Variants in TENM3 observed in about 807,000 individuals in gnomAD.
The protein encoded by TENM3 is teneurin transmembrane protein 3.
TENM3 carries 63 observed loss-of-function variants against 255.1 expected under a neutral mutation model. The ratio of observed to expected loss-of-function variants is 0.25; its 90% CI spans 0.20 to 0.30. The LOEUF (loss-of-function observed/expected upper bound fraction) is 0.30, where lower values mean the gene tolerates loss of function less well. TENM3 is among the 10% of genes least tolerant of loss of function. The pLI, the probability that TENM3 is intolerant of heterozygous loss-of-function variation, is 1.00. For missense variants in TENM3, 2,929 were observed against 3,461.1 expected, an observed-to-expected ratio of 0.85 and a Z score of 3.86; for synonymous variants, 1,306 against 1,322.3, an observed-to-expected ratio of 0.99 and a Z score of 0.27.
intron 4 of TENM3, among the ~76,000 whole-genome samples, chr4:182,621,695 T>TTA (rs1561016257): frequency 0.19 from 1,028 of 5,370 alleles, 48 homozygotes; most frequent in Non-Finnish European, 0.42. Context: ...ATAATATATA[T>TTA]TATATATAAA....
chr4:181,912,214 A>G, the TENM3 span, among the ~76,000 whole-genome samples: 1 of 152,250 alleles, frequency 6.6e-6, no homozygotes, highest in Non-Finnish European at 1.5e-5. Context: ...AAAGTTGACA[A>G]CTTAGTTGGA....
At chr4:182,506,190 A>G (rs1736800345) in intron 3 of TENM3, among the ~76,000 whole-genome samples, 1 of 152,198 alleles carries the variant, frequency 6.6e-6, no homozygotes, top group Non-Finnish European at 1.5e-5. Context: ...CCCTGTGCAT[A>G]TGACCCCGAA....
At chr4:182,055,971 TA>T in the TENM3 span, among the ~76,000 whole-genome samples, 39 of 152,222 alleles carry the variant, frequency 2.6e-4, no homozygotes, top group African/African-American at 9.4e-4. Flanking sequence ...ATAAAAGAGT[TA>T]AAAATCGTAG....
intron 3 of TENM3, among the ~76,000 whole-genome samples, chr4:182,361,227 T>G (rs1765952606): frequency 6.6e-6 from 1 of 152,168 alleles, no homozygotes; most frequent in Non-Finnish European, 1.5e-5. Context: ...GAGGAGTATC[T>G]TTGTGGCGTT....
At chr4:182,457,117 G>A (rs918063443) in intron 3 of TENM3, among the ~76,000 whole-genome samples, 6 of 151,620 alleles carry the variant, frequency 4.0e-5, no homozygotes, top group South Asian at 2.1e-4. Flanking sequence ...CCTGGGAGGC[G>A]GAGGTTGCAG....
the TENM3 span, among the ~76,000 whole-genome samples, chr4:181,458,335 G>T: frequency 7.2e-5 from 11 of 151,900 alleles, no homozygotes; most frequent in Non-Finnish European, 1.5e-4. Context: ...GTGAATCAGT[G>T]TAGATATTTT....
intron 1 of TENM3, among the ~76,000 whole-genome samples, chr4:182,238,141 A>T (rs974480179): frequency 2.0e-5 from 3 of 152,168 alleles, no homozygotes; most frequent in African/African-American, 7.2e-5. Flanking sequence ...TCAGGGTCTC[A>T]TAAATAATGC....
intron 3 of TENM3, among the ~76,000 whole-genome samples, chr4:182,556,075 A>C (rs959407427): frequency 6.6e-6 from 1 of 152,144 alleles, no homozygotes; most frequent in African/African-American, 2.4e-5. Flanking sequence ...ATTAGGAACA[A>C]TAGAAGTTTT....
chr4:182,303,553 A>C (rs1761963626), intron 1 of TENM3, among the ~76,000 whole-genome samples: 1 of 152,208 alleles, frequency 6.6e-6, no homozygotes. Flanking sequence ...ACGCGCTGTC[A>C]TTGTCCAATG....
chr4:181,767,251 CA>C, the TENM3 span, among the ~76,000 whole-genome samples: 13,293 of 75,466 alleles, frequency 0.18, 592 homozygotes, highest in African/African-American at 0.32. Flanking sequence ...GACTCCGTCT[CA>C]AAAAAAAAAA....
intron 1 of TENM3, among the ~76,000 whole-genome samples, chr4:182,164,930 A>C (rs1415416735): frequency 6.6e-6 from 1 of 152,170 alleles, no homozygotes; most frequent in Non-Finnish European, 1.5e-5. Context: ...TTTGGAAATG[A>C]GATACTCCTC....
the TENM3 span, among the ~76,000 whole-genome samples, chr4:181,567,808 T>C: frequency 6.6e-6 from 1 of 152,146 alleles, no homozygotes; most frequent in South Asian, 2.1e-4. Context: ...TTTAGATAAA[T>C]ACTATTACTG....
chr4:182,789,462 A>AG lies in TENM3; in HGVS notation c.5601+77dup. 5 of 1,412,614 alleles carry AG rather than the reference A, an allele frequency of 3.5e-6. No individual in the cohort carries two copies. The highest frequency in any genetic ancestry group is 4.8e-6 in the Non-Finnish European group (5 of 1,042,990). 87.5% of individuals were successfully genotyped at this position (1,412,614 alleles called of 1,614,324 possible). A position where few individuals can be genotyped will look rare whatever the true frequency, so the allele number is the denominator to read the frequency against. On this transcript the variant is annotated intron_variant, in intron 25 of 27. Coordinates refer to ENST00000511685, the MANE Select transcript of TENM3 (RefSeq NM_001080477.4). This position sits in a 1 kb window ranked among gnomAD's most constrained non-coding sequence, Gnocchi z 4.4. Reference sequence around the variant, plus strand: ...TTTTCAGCAATCATCCAGAGCACTAAGGGGAAAAAAAACAGTGGCACATGA... The same window carrying AG: ...TTTTCAGCAATCATCCAGAGCACTAAGGGGGAAAAAAAACAGTGGCACATGA...
the TENM3 span, among the ~76,000 whole-genome samples, chr4:181,892,761 G>A: frequency 2.6e-5 from 4 of 152,124 alleles, no homozygotes; most frequent in African/African-American, 7.2e-5. Context: ...ATGAGCCCGC[G>A]GTGGTTTTTC....
chr4:181,627,985 C>A, the TENM3 span, among the ~76,000 whole-genome samples: 1 of 152,192 alleles, frequency 6.6e-6, no homozygotes, highest in African/African-American at 2.4e-5. Context: ...TCTCCACATC[C>A]TCTCCAGCAC....
At chr4:182,094,957 G>A in the TENM3 span, among the ~76,000 whole-genome samples, 34 of 66,708 alleles carry the variant, frequency 5.1e-4, no homozygotes, top group African/African-American at 5.6e-4. Flanking sequence ...AAAAAAAAAA[G>A]GAAATTTTTA....
chr4:182,187,652 A>C (rs1455431011), intron 1 of TENM3, among the ~76,000 whole-genome samples: 1 of 152,188 alleles, frequency 6.6e-6, no homozygotes, highest in Admixed American at 6.5e-5. Flanking sequence ...TTGGTTGAAC[A>C]GAAATTAATT....
the TENM3 span, among the ~76,000 whole-genome samples, chr4:181,653,494 C>T: frequency 6.6e-6 from 1 of 152,114 alleles, no homozygotes; most frequent in Non-Finnish European, 1.5e-5. Context: ...ACTGCAACTT[C>T]CACCTCCCGG....
At chr4:182,564,896 T>C (rs990410777) in intron 3 of TENM3, among the ~76,000 whole-genome samples, 2 of 152,244 alleles carry the variant, frequency 1.3e-5, no homozygotes, top group African/African-American at 4.8e-5. Context: ...TTAGCTTTTA[T>C]GTCTGTTGTT....
Sources: allele counts gnomAD v4.1 joint callset (sites outside exome capture counted in the v4.1 genomes callset), GRCh38; gene constraint gnomAD v4.1.1; non-coding constraint Gnocchi (gnomAD v3.1); transcripts MANE v1.5; gene names NCBI Gene and HGNC (gene_info 2026-07-23, HGNC 2026-07-21).